EYA3: variants seen among roughly 807,000 people sequenced by gnomAD.
EYA3 encodes the protein protein phosphatase EYA3.
EYA3 carries 39 observed loss-of-function variants against 80.0 expected under a neutral mutation model. The observed-to-expected ratio is 0.49, with a 90% CI of 0.38 to 0.64. The LOEUF (loss-of-function observed/expected upper bound fraction) is 0.64. EYA3 is among the 30% of genes least tolerant of loss of function. EYA3 has a pLI of 0.00. For missense variants in EYA3, 523 were observed against 676.1 expected, an observed-to-expected ratio of 0.77 and a Z score of 2.51; for synonymous variants, 206 against 232.8, an observed-to-expected ratio of 0.88 and a Z score of 1.05.
At chr1:27,993,603 T>C (rs2148735926) in intron 13 of EYA3, 43 bp from the exon 14 acceptor site, 1 of 1,512,358 alleles carries the variant, frequency 6.6e-7, no homozygotes. Flanking sequence ...TTATACAGCA[T>C]AAAGTTTTTG....
chr1:28,081,901 T>A (rs979479286), intron 1 of EYA3, among the ~76,000 whole-genome samples: 1 of 152,160 alleles, frequency 6.6e-6, no homozygotes, highest in Non-Finnish European at 1.5e-5. Flanking sequence ...ATACACTGAT[T>A]ATCAGACCCA....
intron 12 of EYA3, among the ~76,000 whole-genome samples, chr1:27,999,691 G>C (rs1473682007): frequency 6.6e-6 from 1 of 152,012 alleles, no homozygotes; most frequent in African/African-American, 2.4e-5. Flanking sequence ...CTGATGGGTT[G>C]GCCTTTCCCC....
intron 16 of EYA3, among the ~76,000 whole-genome samples, chr1:27,979,155 G>A (rs955073096): frequency 6.6e-6 from 1 of 152,244 alleles, no homozygotes; most frequent in African/African-American, 2.4e-5. Flanking sequence ...TGGTCATTGT[G>A]TCATAATGAA....
rs1463200762 is a variant in EYA3, at chr1:27,971,436, A to T, written c.*3030T>A. The T allele has an allele frequency of 6.6e-6, 1 of 151,990 alleles. No homozygotes were observed. The highest frequency in any genetic ancestry group is 1.5e-5 in the Non-Finnish European group (1 of 68,066). 9.4% of individuals were successfully genotyped at this position (151,990 alleles called of 1,614,324 possible). A position where few individuals can be genotyped will look rare whatever the true frequency, so the allele number is the denominator to read the frequency against. On this transcript the variant is annotated 3_prime_UTR_variant, in exon 18 of 18. Coordinates refer to ENST00000373871, the MANE Select transcript of EYA3 (RefSeq NM_001990.4). Reference sequence around the variant, plus strand: ...TGGTGAAACCCCATCTCTACTAAAAATACAAAAATTAGCCAGGCGTGGTGG... The same window carrying T: ...TGGTGAAACCCCATCTCTACTAAAATTACAAAAATTAGCCAGGCGTGGTGG...
chr1:28,028,915 C>T (rs1642949010), intron 6 of EYA3, among the ~76,000 whole-genome samples: 1 of 150,534 alleles, frequency 6.6e-6, no homozygotes. Context: ...GAGGTGGGGT[C>T]TTGCTATGTC....
intron 1 of EYA3, among the ~76,000 whole-genome samples, chr1:28,069,230 C>T (rs573398344): frequency 1.3e-5 from 2 of 152,106 alleles, no homozygotes; most frequent in Non-Finnish European, 2.9e-5. Flanking sequence ...CCTGCCTCAG[C>T]CTCCCAAGTA....
chr1:28,032,398 CT>C (rs141596736), intron 6 of EYA3, among the ~76,000 whole-genome samples: 2 of 152,192 alleles, frequency 1.3e-5, no homozygotes, highest in African/African-American at 4.8e-5. Context: ...ATAAATAATG[CT>C]TCAATGAGTA....
chr1:28,076,483 G>A (rs1403088392), intron 1 of EYA3, among the ~76,000 whole-genome samples: 2 of 151,774 alleles, frequency 1.3e-5, no homozygotes, highest in East Asian at 3.9e-4. Context: ...GGCCGAGGTG[G>A]GTGGATTACT....
At chr1:28,012,875 C>T (rs1538644) in intron 9 of EYA3, among the ~76,000 whole-genome samples, 21 of 152,128 alleles carry the variant, frequency 1.4e-4, no homozygotes, top group African/African-American at 1.9e-4. Context: ...GGGTAGAGTA[C>T]GAGTCAGAAA....
rs571245430 is a variant in EYA3 at position 28,067,430 on chromosome 1, T to C, written c.-68-9336A>G. Reference sequence around the variant, plus strand: ...CAGATACAAAGCTTACATTTAAAAGTATAGTAAAATGTTTAAATACATATT... The same window carrying C: ...CAGATACAAAGCTTACATTTAAAAGCATAGTAAAATGTTTAAATACATATT... On this transcript the variant is annotated intron_variant, in intron 1 of 17. Transcript: ENST00000373871. 2.6e-5 allele frequency among the ~76,000 whole-genome samples: 4 copies of C among 152,320 alleles called. No homozygotes were observed. The South Asian group carries it at 8.3e-4, about 32-fold the overall frequency.
At chr1:28,008,073 T>C (rs1641423051) in intron 10 of EYA3, among the ~76,000 whole-genome samples, 1 of 152,152 alleles carries the variant, frequency 6.6e-6, no homozygotes, top group Non-Finnish European at 1.5e-5. Flanking sequence ...AATAAAGCCT[T>C]ACAAATATGA....
At chr1:28,023,475 C>T (rs540348729) in intron 7 of EYA3, among the ~76,000 whole-genome samples, 1 of 152,292 alleles carries the variant, frequency 6.6e-6, no homozygotes, top group South Asian at 2.1e-4. Flanking sequence ...TCAACATCAA[C>T]AGTCATAAAT....
intron 7 of EYA3, among the ~76,000 whole-genome samples, chr1:28,020,667 CGT>C (rs56017264): frequency 0.17 from 22,917 of 133,828 alleles, 1,960 homozygotes; most frequent in Middle Eastern, 0.25. Flanking sequence ...TACAGATCAT[CGT>C]GTGTGTGTGT....
At chr1:28,078,730 C>A (rs893740100) in intron 1 of EYA3, among the ~76,000 whole-genome samples, 4 of 152,084 alleles carry the variant, frequency 2.6e-5, no homozygotes, top group African/African-American at 9.7e-5. Context: ...TTATTTTAAT[C>A]TTTCAATAAG....
chr1:28,080,772 C>T (rs951559959), intron 1 of EYA3, among the ~76,000 whole-genome samples: 3 of 152,076 alleles, frequency 2.0e-5, no homozygotes, highest in East Asian at 1.9e-4. Context: ...TGTTTTGAGA[C>T]GGAGTTTCGC....
chr1:27,977,527 C>T (rs991006259), intron 17 of EYA3: 1 of 881,622 alleles, frequency 1.1e-6, no homozygotes, highest in Non-Finnish European at 1.7e-6. Context: ...ATAGCCAAGA[C>T]TCTTTCATCT....
At position 28,024,985 on chromosome 1, in the gene EYA3, G is replaced by A. The variant is rs1160115472; in HGVS notation, c.499+2804C>T. Among the ~76,000 whole-genome samples the A allele has an allele frequency of 4.6e-5, 7 of 152,190 alleles. No homozygotes were observed. In the East Asian group the frequency reaches 1.3e-3, roughly 29 times the overall value. On this transcript the variant is annotated intron_variant, in intron 7 of 17. Coordinates refer to ENST00000373871, the MANE Select transcript of EYA3 (RefSeq NM_001990.4). ...CTAACTCCCCCAGGGAGGATGGGCTGCTGTCAACTGCAGAATGCTTGGGGT... is the reference window on the plus strand; with the variant it reads ...CTAACTCCCCCAGGGAGGATGGGCTACTGTCAACTGCAGAATGCTTGGGGT...
intron 16 of EYA3, among the ~76,000 whole-genome samples, chr1:27,986,883 T>C (rs1639696087): frequency 6.6e-6 from 1 of 151,826 alleles, no homozygotes; most frequent in African/African-American, 2.4e-5. Context: ...TTTGTATTTT[T>C]AGTAGAGATG....
chr1:28,028,096 T>A (rs1471167191), intron 6 of EYA3, among the ~76,000 whole-genome samples, 170 bp from the exon 7 acceptor site: 1 of 152,086 alleles, frequency 6.6e-6, no homozygotes, highest in Non-Finnish European at 1.5e-5. Flanking sequence ...CACAAGCAAA[T>A]AACACTTTCA....
Sources: allele counts gnomAD v4.1 joint callset (sites outside exome capture counted in the v4.1 genomes callset), GRCh38; gene constraint gnomAD v4.1.1; transcripts MANE v1.5; gene names NCBI Gene and HGNC (gene_info 2026-07-23, HGNC 2026-07-21).